Variants in CHODL observed in about 807,000 individuals in gnomAD.
The protein encoded by CHODL is transmembrane protein MT75.
A neutral mutation model predicts 34.5 loss-of-function variants in CHODL; 29 were observed. The observed-to-expected ratio is 0.84, with a 90% confidence interval of 0.63 to 1.15. The LOEUF (loss-of-function observed/expected upper bound fraction) is 1.15, where lower values mean the gene tolerates loss of function less well. CHODL is among the 50% of genes most tolerant of loss of function. The pLI is 0.00. For synonymous variants in CHODL, 125 were observed against 116.1 expected, an observed-to-expected ratio of 1.08 and a Z score of -0.49; for missense variants, 332 against 332.5, an observed-to-expected ratio of 1.00 and a Z score of 0.01.
At chr21:17,967,548 C>T (rs920496196) in intron 1 of CHODL, among the ~76,000 whole-genome samples, 2 of 152,164 alleles carry the variant, frequency 1.3e-5, no homozygotes, top group Non-Finnish European at 2.9e-5. Context: ...ATTTCCTGAA[C>T]TGAATGAGTC....
At chr21:18,023,580 C>A (rs1205912620) in intron 1 of CHODL, among the ~76,000 whole-genome samples, 1 of 152,052 alleles carries the variant, frequency 6.6e-6, no homozygotes, top group African/African-American at 2.4e-5. Context: ...TAAAGAGGAG[C>A]CTGGCTGGGG....
intron 1 of CHODL, among the ~76,000 whole-genome samples, chr21:17,950,441 T>A (rs1385453349): frequency 6.6e-6 from 1 of 150,552 alleles, no homozygotes; most frequent in Non-Finnish European, 1.5e-5. Context: ...CTGGTTAGAA[T>A]GTAGAAAGAA....
At chr21:18,026,439 C>CTTTTAA in intron 1 of CHODL, among the ~76,000 whole-genome samples, 1 of 151,994 alleles carries the variant, frequency 6.6e-6, no homozygotes, top group South Asian at 2.1e-4. Flanking sequence ...AGTAGGGGTT[C>CTTTTAA]GACAAGCTTG....
intron 2 of CHODL, among the ~76,000 whole-genome samples, chr21:18,164,989 A>G (rs1396395405): frequency 6.6e-6 from 1 of 152,044 alleles, no homozygotes; most frequent in Non-Finnish European, 1.5e-5. Context: ...TTCTATCTCT[A>G]TTGCCATCAC....
intron 1 of CHODL, among the ~76,000 whole-genome samples, chr21:17,929,698 C>G (rs1477541103): frequency 6.6e-6 from 1 of 152,182 alleles, no homozygotes; most frequent in East Asian, 1.9e-4. Context: ...GGCCTCCAGT[C>G]TAACACAGGG....
At chr21:17,967,642 A>G (rs1230256033) in intron 1 of CHODL, among the ~76,000 whole-genome samples, 1 of 152,140 alleles carries the variant, frequency 6.6e-6, no homozygotes, top group Non-Finnish European at 1.5e-5. Context: ...TCTACTTGGC[A>G]ATGTACATCT....
At chr21:18,237,735 C>T (rs1024091436) in intron 2 of CHODL, among the ~76,000 whole-genome samples, 1 of 152,094 alleles carries the variant, frequency 6.6e-6, no homozygotes, top group African/African-American at 2.4e-5. Context: ...CAAGTATTCT[C>T]CACCTACTGT....
At chr21:17,993,013 C>G (rs1280621596) in intron 1 of CHODL, among the ~76,000 whole-genome samples, 1 of 152,092 alleles carries the variant, frequency 6.6e-6, no homozygotes, top group Non-Finnish European at 1.5e-5. Context: ...TTTACTTCCT[C>G]TTTTGCAATT....
chr21:18,190,909 T>C (rs1346406262), intron 2 of CHODL, among the ~76,000 whole-genome samples: 3 of 152,158 alleles, frequency 2.0e-5, no homozygotes, highest in Non-Finnish European at 2.9e-5. Flanking sequence ...AAGTCCAAGA[T>C]AGATTTAATT....
chr21:18,260,871 A>T (rs546163924), intron 4 of CHODL, among the ~76,000 whole-genome samples: 1 of 152,226 alleles, frequency 6.6e-6, no homozygotes, highest in South Asian at 2.1e-4. Context: ...CAACAACAAC[A>T]AAAGAACTTT....
chr21:17,937,833 G>T (rs887370628), intron 1 of CHODL, among the ~76,000 whole-genome samples: 5 of 151,896 alleles, frequency 3.3e-5, no homozygotes, highest in Non-Finnish European at 1.5e-5. Context: ...TCATCTGTCA[G>T]TTACTTAATC....
chr21:17,923,129 G>C (rs921305909), intron 1 of CHODL, among the ~76,000 whole-genome samples: 5 of 152,190 alleles, frequency 3.3e-5, no homozygotes, highest in African/African-American at 1.2e-4. Flanking sequence ...GGTGGGGGTT[G>C]GCTTTGAATA....
chr21:18,062,219 T>A (rs78297514), intron 2 of CHODL, among the ~76,000 whole-genome samples: 1,630 of 152,200 alleles, frequency 0.011, 12 homozygotes, highest in Non-Finnish European at 0.016. Context: ...AGACCTTAAT[T>A]TGAGTATTGC....
chr21:18,195,605 C>G (rs189004633), intron 2 of CHODL, among the ~76,000 whole-genome samples: 1 of 152,244 alleles, frequency 6.6e-6, no homozygotes, highest in Admixed American at 6.5e-5. Context: ...ATAATGTCCT[C>G]CACGTTTATC....
chr21:18,152,048 A>T (rs1379575222), intron 2 of CHODL, among the ~76,000 whole-genome samples: 3 of 151,484 alleles, frequency 2.0e-5, no homozygotes, highest in African/African-American at 4.9e-5. Flanking sequence ...GAATTTGTGT[A>T]TAACCTATCA....
chr21:18,117,663 T>A lies in CHODL; in HGVS notation c.-45+89692T>A, dbSNP rs1207166909. On this transcript the variant is annotated intron_variant, in intron 2 of 6. Transcript: ENST00000400127. Reference sequence around the variant, plus strand: ...GGGAGAAATACAATAAAAAATGAGTTATTGTCATTGTGACTTTAATTAAAT... The same window carrying A: ...GGGAGAAATACAATAAAAAATGAGTAATTGTCATTGTGACTTTAATTAAAT... Among the ~76,000 whole-genome samples the A allele has an allele frequency of 2.0e-5, 3 of 152,088 alleles. No homozygotes were observed. In the East Asian group the frequency reaches 5.8e-4, roughly 29 times the overall value.
At chr21:18,123,059 C>CAGTA (rs1173771578) in intron 2 of CHODL, among the ~76,000 whole-genome samples, 1 of 152,176 alleles carries the variant, frequency 6.6e-6, no homozygotes, top group African/African-American at 2.4e-5. Flanking sequence ...CTGAGCAATA[C>CAGTA]AGTAAGTAGC....
Position 18,211,141 on chromosome 21 carries a change from TAC to T in CHODL, c.-44-45341_-44-45340del, listed in dbSNP as rs3077936. 9.1e-3 allele frequency among the ~76,000 whole-genome samples: 1,357 copies of T among 148,776 alleles called. 10 individuals are homozygous for T. Among genetic ancestry groups the T allele is most frequent in the African/African-American group, 0.017 (695 of 40,214 alleles). On this transcript the variant is annotated intron_variant, in intron 2 of 6. Transcript: ENST00000400127. ...TATTCCCTTGCATCCTACACATGGA[TAC>T]ACACACACACACACACACACACACA... is the stretch of plus-strand genomic sequence containing the variant.
intron 2 of CHODL, chr21:18,028,039 C>G (rs2064195256): frequency 6.6e-6 from 1 of 152,310 alleles, no homozygotes; most frequent in Non-Finnish European, 1.5e-5. Context: ...CTCAAACTGA[C>G]TAAGACACAG....
Sources: gnomAD v4.1 joint callset for allele counts (sites outside exome capture counted in the v4.1 genomes callset) on GRCh38, gnomAD v4.1.1 for gene constraint, MANE v1.5 for transcripts, NCBI Gene and HGNC (gene_info 2026-07-23, HGNC 2026-07-21) for gene names.